The following PHIP variants were observed in gnomAD, a reference collection of about 807,000 sequenced individuals.
The protein encoded by PHIP is PH-interacting protein.
Under a neutral mutation model 236.8 loss-of-function variants are expected in PHIP, and 54 were observed. The ratio of observed to expected loss-of-function variants is 0.23; its 90% confidence interval spans 0.18 to 0.29. PHIP has a LOEUF of 0.29. Ranked by LOEUF, PHIP falls within the 10% of genes least tolerant of loss-of-function variation. PHIP has a pLI of 1.00. For missense variants in PHIP, 1,370 were observed against 2,190.8 expected (o/e 0.63, Z 7.48); for synonymous variants, 756 against 718.9 (o/e 1.05, Z -0.83).
chr6:78,941,884 C>T (rs915603355), intron 39 of PHIP, among the ~76,000 whole-genome samples: 6 of 152,096 alleles, frequency 3.9e-5, no homozygotes, highest in Non-Finnish European at 1.5e-5. Context: ...GGCCATTATG[C>T]TTCATAAAAC....
At chr6:79,033,501 TG>T (rs1453034392) in intron 7 of PHIP, among the ~76,000 whole-genome samples, 1 of 152,230 alleles carries the variant, frequency 6.6e-6, no homozygotes, top group Non-Finnish European at 1.5e-5. Context: ...TTTTATGTTA[TG>T]GAGATGGCTT....
At chr6:79,063,603 G>T (rs1773490283) in intron 4 of PHIP, among the ~76,000 whole-genome samples, 3 of 152,152 alleles carry the variant, frequency 2.0e-5, no homozygotes, top group Non-Finnish European at 2.9e-5. Flanking sequence ...TTTTAGTAGA[G>T]ACGGGGTTTT....
chr6:79,075,338 G>T (rs945953770), intron 4 of PHIP, among the ~76,000 whole-genome samples: 2 of 152,220 alleles, frequency 1.3e-5, no homozygotes, highest in African/African-American at 4.8e-5. Context: ...TATGCTGAAT[G>T]AATGAAAAGA....
rs1469295461 is a variant in PHIP, at chr6:78,997,518, C to G, written c.2097G>C (p.Arg699=). 3.7e-6 allele frequency: 6 copies of G among 1,614,044 alleles called. No homozygotes were observed. Among genetic ancestry groups the G allele is most frequent in the East Asian group, 2.2e-5 (1 of 44,858 alleles). ...TTCTTGGTGCGTTGCTGTGCATTTG[C>G]CGTACACCTTCAATTTGTCCACTAC... ...LRRSGQIEGV[R]QMHSNAPRSE... Residue 699 remains arginine, a synonymous_variant, in exon 19 of 40, where the codon CGG becomes CGC. Transcript: ENST00000275034.
chr6:78,943,990 T>TAAAAAAAA (rs558983037), intron 39 of PHIP, among the ~76,000 whole-genome samples: 2 of 78,154 alleles, frequency 2.6e-5, no homozygotes, highest in African/African-American at 5.2e-5. Flanking sequence ...TGTCTTTTTT[T>TAAAAAAAA]AAAAAAAAAA....
chr6:78,967,796 T>C (rs138460487), intron 27 of PHIP, among the ~76,000 whole-genome samples: 59 of 152,292 alleles, frequency 3.9e-4, no homozygotes, highest in African/African-American at 1.4e-3. Context: ...CTTTGATCTC[T>C]ATTATTTGTT....
Position 78,940,834 on chromosome 6 carries a change from T to C in PHIP, c.5325A>G (p.Thr1775=). The change falls in exon 40 of 40, where the codon ACA becomes ACG. Residue 1775 remains threonine, a synonymous_variant. Transcript: ENST00000275034. ...HMRTRNQGRR[T]AFYNEDDSEE... is the part of the protein sequence containing the mutation. ...CAGAGTCATCCTCATTATAGAAAGCTGTCCTTCGACCTTGATTTCTAGTTC... is the reference window on the plus strand; with the variant it reads ...CAGAGTCATCCTCATTATAGAAAGCCGTCCTTCGACCTTGATTTCTAGTTC... 1 of 1,614,050 alleles carries C rather than the reference T, an allele frequency of 6.2e-7. No homozygotes were observed. The highest frequency in any genetic ancestry group is 8.5e-7 in the Non-Finnish European group (1 of 1,179,968).
In PHIP at chr6:78,949,743, C is replaced by T. The variant is rs935549548; in HGVS notation, c.4054-1968G>A. ...CTCACTCTATTGCCAGGCTAGAGTTCAGTGGTATCATCTTGGCTCACTGCA... is the reference window on the plus strand; with the variant it reads ...CTCACTCTATTGCCAGGCTAGAGTTTAGTGGTATCATCTTGGCTCACTGCA... On this transcript the variant is annotated intron_variant, in intron 35 of 39. Coordinates refer to ENST00000275034, the MANE Select transcript of PHIP (RefSeq NM_017934.7). 4.0e-5 allele frequency among the ~76,000 whole-genome samples: 6 copies of T among 151,878 alleles called. No individual in the cohort carries two copies. The East Asian group carries it at 7.8e-4, about 20-fold the overall frequency.
intron 35 of PHIP, among the ~76,000 whole-genome samples, chr6:78,948,140 TA>T (rs1773930269): frequency 6.6e-6 from 1 of 152,156 alleles, no homozygotes; most frequent in Non-Finnish European, 1.5e-5. Context: ...TTATAAATTC[TA>T]AAGGTCTGAC....
At chr6:78,993,200 A>G (rs1480527733) in intron 19 of PHIP, among the ~76,000 whole-genome samples, 1 of 152,248 alleles carries the variant, frequency 6.6e-6, no homozygotes, top group Admixed American at 6.5e-5. Flanking sequence ...CTGCAGAAGA[A>G]AAGTTGGAAG....
At chr6:78,972,159 C>G (rs1767622928) in intron 24 of PHIP, among the ~76,000 whole-genome samples, 1 of 152,202 alleles carries the variant, frequency 6.6e-6, no homozygotes, top group African/African-American at 2.4e-5. Context: ...CAGTGGTTCT[C>G]CCAGTACGCA....
intron 19 of PHIP, among the ~76,000 whole-genome samples, chr6:78,994,969 GAAAC>G (rs960375324): frequency 3.3e-5 from 5 of 152,106 alleles, no homozygotes; most frequent in Non-Finnish European, 5.9e-5. Flanking sequence ...TACGCACTTG[GAAAC>G]AAACAAACAA....
chr6:79,076,737 G>A (rs991291329), intron 4 of PHIP, among the ~76,000 whole-genome samples: 6 of 151,954 alleles, frequency 3.9e-5, no homozygotes, highest in African/African-American at 1.4e-4. Context: ...TAAACGAGAG[G>A]CATACCATAA....
chr6:79,050,101 C>A (rs1008072742), intron 6 of PHIP, among the ~76,000 whole-genome samples: 1 of 151,574 alleles, frequency 6.6e-6, no homozygotes, highest in Non-Finnish European at 1.5e-5. Flanking sequence ...GAGGTTTTTA[C>A]TAGGACTTCA....
intron 4 of PHIP, among the ~76,000 whole-genome samples, chr6:79,076,928 A>C (rs3812161): frequency 0.11 from 16,161 of 152,262 alleles, 891 homozygotes; most frequent in Middle Eastern, 0.19. Context: ...ACAGAGGGGG[A>C]AAAAATAATG....
chr6:79,076,542 T>C (rs538569184), intron 4 of PHIP, among the ~76,000 whole-genome samples: 9 of 152,294 alleles, frequency 5.9e-5, no homozygotes, highest in African/African-American at 2.2e-4. Flanking sequence ...AATCCACTTC[T>C]GAAAAGCAAT....
chr6:78,945,920 T>C (rs568003354), intron 38 of PHIP, 81 bp downstream of exon 38: 1 of 961,226 alleles, frequency 1.0e-6, no homozygotes, highest in South Asian at 1.6e-5. Flanking sequence ...TTACTAAAAC[T>C]CAGTATATTG....
intron 29 of PHIP, among the ~76,000 whole-genome samples, chr6:78,965,361 C>A (rs1767061764): frequency 6.6e-6 from 1 of 152,146 alleles, no homozygotes; most frequent in South Asian, 2.1e-4. Context: ...AAAGCATGAC[C>A]TCTTAACTAT....
At chr6:79,072,010 A>T (rs564579459) in intron 4 of PHIP, among the ~76,000 whole-genome samples, 18 of 152,252 alleles carry the variant, frequency 1.2e-4, no homozygotes, top group Non-Finnish European at 2.4e-4. Flanking sequence ...AAAAAACTGA[A>T]ATCGGTTAGG....
Sources: allele counts gnomAD v4.1 joint callset (sites outside exome capture counted in the v4.1 genomes callset), GRCh38; gene constraint gnomAD v4.1.1; transcripts MANE v1.5; gene names NCBI Gene and HGNC (gene_info 2026-07-23, HGNC 2026-07-21).